The following TCAIM variants were observed in gnomAD, a reference collection of about 807,000 sequenced individuals.
TCAIM encodes the protein T cell activation inhibitor, mitochondrial.
TCAIM carries 36 observed loss-of-function variants against 58.6 expected under a neutral mutation model. The observed-to-expected ratio is 0.61, with a 90% confidence interval of 0.47 to 0.81. The LOEUF (loss-of-function observed/expected upper bound fraction) is 0.81. Among genes scored for constraint, TCAIM ranks in the 30% least tolerant of loss-of-function variants. The probability of loss-of-function intolerance (pLI) is 0.00; values close to 1 mark genes in which losing one functional copy is unlikely to be tolerated. For synonymous variants in TCAIM, 172 were observed against 193.6 expected (o/e 0.89, Z 0.93); for missense variants, 466 against 579.6 (o/e 0.80, Z 2.01).
intron 8 of TCAIM, among the ~76,000 whole-genome samples, chr3:44,397,880 T>G (rs1340839463): frequency 6.6e-6 from 1 of 152,176 alleles, no homozygotes; most frequent in African/African-American, 2.4e-5. Context: ...AAATATTTAT[T>G]TGGTAGAAAT....
chr3:44,354,755 C>T lies in TCAIM; in HGVS notation c.-28C>T, dbSNP rs748960065. On this transcript the variant is annotated 5_prime_UTR_variant, in exon 2 of 11. It introduces an in-frame stop codon into an upstream open reading frame of the 5' UTR. Transcript: ENST00000342649. ...ACTTTTAAGCAATTAATGGATGCCTCGAAGTTGACGTACATATATATTCAG... is the reference window on the plus strand; with the variant it reads ...ACTTTTAAGCAATTAATGGATGCCTTGAAGTTGACGTACATATATATTCAG... 4 of 1,601,104 alleles carry T rather than the reference C, an allele frequency of 2.5e-6. No individual in the cohort carries two copies. Among genetic ancestry groups the T allele is most frequent in the Admixed American group, 1.8e-5 (1 of 55,974 alleles).
At chr3:44,342,092 A>G (rs1224366633) in intron 1 of TCAIM, among the ~76,000 whole-genome samples, 1 of 152,198 alleles carries the variant, frequency 6.6e-6, no homozygotes, top group Non-Finnish European at 1.5e-5. Context: ...CTTTATTACT[A>G]GTATTAGAAT....
At position 44,400,519 on chromosome 3, in the gene TCAIM, T is replaced by C; in HGVS notation, c.1050T>C (p.Asn350=). The C allele has an allele frequency of 6.2e-7, 1 of 1,613,794 alleles. No homozygotes were observed. Among genetic ancestry groups the C allele is most frequent in the African/African-American group, 1.3e-5 (1 of 75,042 alleles). Residue 350 remains asparagine, a synonymous_variant, in exon 9 of 11, where the codon AAT becomes AAC. Coordinates refer to ENST00000342649, the MANE Select transcript of TCAIM (RefSeq NM_173826.4). ...ACTCTCTTCTTGATGTGTTTTATAA[T>C]AGACTGTTGAAAAGTAGAATACTAT... ...EYYSLLDVFY[N]RLLKSRILFH...
intron 1 of TCAIM, among the ~76,000 whole-genome samples, chr3:44,346,946 G>A (rs1036602090): frequency 1.3e-4 from 20 of 152,144 alleles, no homozygotes; most frequent in Non-Finnish European, 8.8e-5. Context: ...AAGGGGAGCA[G>A]GGAAAGGATT....
chr3:44,368,098 G>A (rs1039788905), intron 5 of TCAIM, among the ~76,000 whole-genome samples: 3 of 152,160 alleles, frequency 2.0e-5, no homozygotes, highest in Non-Finnish European at 4.4e-5. Flanking sequence ...CATTTCTAAC[G>A]GATAGTTCAG....
chr3:44,368,994 G>A (rs1277686656), intron 5 of TCAIM, among the ~76,000 whole-genome samples: 1 of 152,170 alleles, frequency 6.6e-6, no homozygotes, highest in African/African-American at 2.4e-5. Context: ...CTGCACTCCA[G>A]CCTGGGTGAC....
chr3:44,347,764 G>A (rs1207086030), intron 1 of TCAIM, among the ~76,000 whole-genome samples: 1 of 152,130 alleles, frequency 6.6e-6, no homozygotes, highest in Non-Finnish European at 1.5e-5. Flanking sequence ...GCTGTGGGAT[G>A]GGATATTGGC....
At chr3:44,370,530 A>G (rs1701448540) in intron 5 of TCAIM, among the ~76,000 whole-genome samples, 2 of 151,510 alleles carry the variant, frequency 1.3e-5, no homozygotes, top group African/African-American at 4.8e-5. Context: ...ACTGATTATT[A>G]TTATCCATCT....
At chr3:44,399,919 G>A (rs900476588) in intron 8 of TCAIM, among the ~76,000 whole-genome samples, 6 of 152,134 alleles carry the variant, frequency 3.9e-5, no homozygotes, top group Non-Finnish European at 8.8e-5. Flanking sequence ...TGGTAGGTGC[G>A]CAATCATATT....
chr3:44,388,026 A>C (rs1427193472), intron 5 of TCAIM, among the ~76,000 whole-genome samples: 2 of 151,804 alleles, frequency 1.3e-5, no homozygotes, highest in African/African-American at 4.8e-5. Flanking sequence ...CTCTCTATAT[A>C]TATATATTTA....
intron 5 of TCAIM, among the ~76,000 whole-genome samples, chr3:44,383,524 C>G (rs536663419): frequency 6.6e-6 from 1 of 151,956 alleles, no homozygotes; most frequent in Non-Finnish European, 1.5e-5. Flanking sequence ...AATAGAACAG[C>G]GGTTGCCAGG....
At chr3:44,402,057 A>G (rs1702029530) in intron 10 of TCAIM, among the ~76,000 whole-genome samples, 2 of 152,094 alleles carry the variant, frequency 1.3e-5, no homozygotes, top group South Asian at 4.1e-4. Flanking sequence ...AACTATTGAT[A>G]TAAATAAAAC....
chr3:44,392,858 C>G lies in TCAIM; in HGVS notation c.576C>G (p.Ser192=), dbSNP rs1191599354. ...GTATGTATCTCTCTCTTTCTAGATC[C>G]TGGTTAGATAACAATGGGAAAAGTG... ...QVSRVETTLT[S]WLDNNGKSAV... is the part of the protein sequence containing the mutation. The change falls in exon 6 of 11, where the codon TCC becomes TCG. Residue 192 remains serine, a synonymous_variant. Coordinates refer to ENST00000342649, the MANE Select transcript of TCAIM (RefSeq NM_173826.4). 1 of 1,611,758 alleles carries G rather than the reference C, an allele frequency of 6.2e-7. No individual in the cohort carries two copies. The highest frequency in any genetic ancestry group is 8.5e-7 in the Non-Finnish European group (1 of 1,178,792).
chr3:44,343,762 A>G (rs1366191472), intron 1 of TCAIM, among the ~76,000 whole-genome samples: 3 of 152,122 alleles, frequency 2.0e-5, no homozygotes, highest in Non-Finnish European at 2.9e-5. Flanking sequence ...TCAACCTGTC[A>G]TTTTTTTAGT....
In TCAIM at chr3:44,405,036, CTG is replaced by C. The variant is rs756715306; in HGVS notation, c.1251-2401_1251-2400del. Among the ~76,000 whole-genome samples, 169 of 152,172 alleles carry C rather than the reference CTG, an allele frequency of 1.1e-3. 1 individual carries two copies. Among genetic ancestry groups the C allele is most frequent in the Non-Finnish European group, 1.9e-3 (130 of 68,000 alleles). On this transcript the variant is annotated intron_variant, in intron 10 of 10. Transcript: ENST00000342649. The stretch of plus-strand genomic sequence containing the variant: ...TACAACCCACATGACCATCCCAAAA[CTG>C]TGTGACTTGTAGCTCCTGTCTCTTG...
At chr3:44,346,379 GCGT>G (rs1320638250) in intron 1 of TCAIM, among the ~76,000 whole-genome samples, 1 of 152,126 alleles carries the variant, frequency 6.6e-6, no homozygotes, top group Non-Finnish European at 1.5e-5. Context: ...TGTGGGAAAG[GCGT>G]CTACCCATCC....
At chr3:44,338,975 C>G (rs1304490160) in intron 1 of TCAIM, 141 bp downstream of exon 1, 1 of 152,218 alleles carries the variant, frequency 6.6e-6, no homozygotes, top group Non-Finnish European at 1.5e-5. Context: ...GACGCAGTAT[C>G]CGCATCGCAT....
intron 7 of TCAIM, 120 bp from the exon 8 acceptor site, chr3:44,396,623 G>A: frequency 1.4e-6 from 2 of 1,399,484 alleles, no homozygotes; most frequent in South Asian, 2.6e-5. Context: ...ATAAAGCAGT[G>A]GCATAAAATT....
At chr3:44,352,618 C>T (rs1389215759) in intron 1 of TCAIM, among the ~76,000 whole-genome samples, 1 of 152,172 alleles carries the variant, frequency 6.6e-6, no homozygotes, top group Non-Finnish European at 1.5e-5. Flanking sequence ...AGTCAATCTA[C>T]ATTGACACAT....
Sources: gnomAD v4.1 joint callset for allele counts (sites outside exome capture counted in the v4.1 genomes callset) on GRCh38, gnomAD v4.1.1 for gene constraint, MANE v1.5 for transcripts, NCBI Gene and HGNC (gene_info 2026-07-23, HGNC 2026-07-21) for gene names.